The following CADPS2 variants were observed in gnomAD, a reference collection of about 807,000 sequenced individuals.
The protein encoded by CADPS2 is calcium-dependent secretion activator 2.
In CADPS2, 93 loss-of-function variants were observed where a neutral mutation model predicts 172.5. That is an observed-to-expected ratio of 0.54 (90% CI 0.46 to 0.64). The LOEUF is 0.64. Among genes scored for constraint, CADPS2 ranks in the 30% least tolerant of loss-of-function variants. CADPS2 has a pLI of 0.00. For synonymous variants in CADPS2, 546 were observed against 555.2 expected, an observed-to-expected ratio of 0.98 and a Z score of 0.23; for missense variants, 1,420 against 1,565.9, an observed-to-expected ratio of 0.91 and a Z score of 1.57.
At chr7:122,549,443 T>C (rs575781038) in intron 8 of CADPS2, among the ~76,000 whole-genome samples, 4 of 152,144 alleles carry the variant, frequency 2.6e-5, no homozygotes, top group Admixed American at 6.5e-5. Flanking sequence ...ATTCGTGTGA[T>C]TGTATAATTA....
intron 7 of CADPS2, among the ~76,000 whole-genome samples, chr7:122,579,783 C>G (rs1407205385): frequency 6.6e-6 from 1 of 151,960 alleles, no homozygotes; most frequent in Non-Finnish European, 1.5e-5. Flanking sequence ...TACGTAAGCA[C>G]ATGACTGAAT....
chr7:122,538,686 G>C (rs899358825), intron 8 of CADPS2, among the ~76,000 whole-genome samples: 1 of 152,008 alleles, frequency 6.6e-6, no homozygotes, highest in Non-Finnish European at 1.5e-5. Context: ...AAAGTACACT[G>C]TAAGTAGGAA....
intron 20 of CADPS2, among the ~76,000 whole-genome samples, chr7:122,402,152 A>T (rs2151600684): frequency 6.6e-6 from 1 of 152,280 alleles, no homozygotes; most frequent in East Asian, 1.9e-4. Context: ...CTGAGACCAC[A>T]CATACCTTTA....
At chr7:122,695,041 G>A (rs925032618) in intron 2 of CADPS2, among the ~76,000 whole-genome samples, 1 of 152,174 alleles carries the variant, frequency 6.6e-6, no homozygotes, top group Non-Finnish European at 1.5e-5. Flanking sequence ...TCCTTTGAAA[G>A]GCTCACACTA....
At chr7:122,715,099 A>T (rs922820800) in intron 2 of CADPS2, among the ~76,000 whole-genome samples, 3 of 152,146 alleles carry the variant, frequency 2.0e-5, no homozygotes, top group Non-Finnish European at 4.4e-5. Context: ...AATTCCGTTT[A>T]TGGCAATTTG....
intron 12 of CADPS2, among the ~76,000 whole-genome samples, chr7:122,477,031 AG>A (rs1311099390): frequency 7.0e-4 from 69 of 98,654 alleles, no homozygotes; most frequent in African/African-American, 3.2e-3. Context: ...AGGAGAGGAG[AG>A]GAGAGGAGAG....
chr7:122,797,129 A>G (rs968545949), intron 1 of CADPS2, among the ~76,000 whole-genome samples: 5 of 152,242 alleles, frequency 3.3e-5, no homozygotes, highest in African/African-American at 1.2e-4. Flanking sequence ...ATCATTAGAG[A>G]CACGCAAATC....
chr7:122,499,623 C>G (rs900981771), intron 9 of CADPS2, among the ~76,000 whole-genome samples: 4 of 152,116 alleles, frequency 2.6e-5, no homozygotes, highest in Non-Finnish European at 5.9e-5. Context: ...GCAAGTCTAA[C>G]TTTTATATGT....
At chr7:122,529,097 C>T (rs2061532207) in intron 8 of CADPS2, among the ~76,000 whole-genome samples, 1 of 152,050 alleles carries the variant, frequency 6.6e-6, no homozygotes, top group African/African-American at 2.4e-5. Flanking sequence ...TTTTGTCCTA[C>T]AAGAATTACA....
chr7:122,459,147 T>C (rs2054150344), intron 14 of CADPS2, among the ~76,000 whole-genome samples: 1 of 151,926 alleles, frequency 6.6e-6, no homozygotes, highest in Non-Finnish European at 1.5e-5. Flanking sequence ...TTCTGATTCA[T>C]AATTTGATTG....
At chr7:122,383,384 A>G (rs2043247875) in intron 24 of CADPS2, among the ~76,000 whole-genome samples, 1 of 152,058 alleles carries the variant, frequency 6.6e-6, no homozygotes, top group Admixed American at 6.6e-5. Context: ...ATTGAGTACT[A>G]TGCTCAATAC....
At chr7:122,491,615 G>A (rs2058296948) in intron 9 of CADPS2, among the ~76,000 whole-genome samples, 195 bp from the exon 10 acceptor site, 1 of 151,980 alleles carries the variant, frequency 6.6e-6, no homozygotes. Flanking sequence ...CATTTGTTGG[G>A]TCTTCTATGC....
At chr7:122,640,081 C>T (rs998780766) in intron 3 of CADPS2, among the ~76,000 whole-genome samples, 1 of 152,140 alleles carries the variant, frequency 6.6e-6, no homozygotes, top group East Asian at 1.9e-4. Flanking sequence ...TGAGTAATGC[C>T]GTGTGATAAA....
At chr7:122,729,676 GTTT>G (rs56993717) in intron 2 of CADPS2, among the ~76,000 whole-genome samples, 13 of 94,208 alleles carry the variant, frequency 1.4e-4, no homozygotes, top group Admixed American at 2.3e-4. Context: ...ATTTTTAACG[GTTT>G]TTTTTTTTTT....
intron 1 of CADPS2, among the ~76,000 whole-genome samples, chr7:122,816,231 T>C (rs561298200): frequency 1.0e-3 from 141 of 137,140 alleles, no homozygotes; most frequent in Non-Finnish European, 1.7e-3. Flanking sequence ...CTACTCTCTA[T>C]CTCCACGAGA....
intron 1 of CADPS2, among the ~76,000 whole-genome samples, chr7:122,845,039 C>T (rs1440356476): frequency 2.6e-5 from 4 of 152,130 alleles, no homozygotes; most frequent in Non-Finnish European, 4.4e-5. Flanking sequence ...ATAAGGCTTC[C>T]TAGTCACTAT....
chr7:122,810,624 T>G lies in CADPS2; in HGVS notation c.340-73556A>C, dbSNP rs116653585. ...ATGTTTAAGAAAGCAATATAACCAT[T>G]TATTCGCAGGATTTTATCTATATTG... is the stretch of plus-strand genomic sequence containing the variant. On this transcript the variant is annotated intron_variant, in intron 1 of 29. Coordinates refer to ENST00000449022, the MANE Select transcript of CADPS2 (RefSeq NM_017954.11). Among the ~76,000 whole-genome samples the G allele has an allele frequency of 3.5e-3, 531 of 152,282 alleles. 5 individuals carry two copies. The highest frequency in any genetic ancestry group is 0.013 in the African/African-American group (522 of 41,554).
chr7:122,414,368 A>G (rs1395678976), intron 18 of CADPS2, among the ~76,000 whole-genome samples: 3 of 152,210 alleles, frequency 2.0e-5, no homozygotes, highest in Non-Finnish European at 4.4e-5. Context: ...GTTTGAGAAT[A>G]AAAGATATAC....
chr7:122,504,629 C>T (rs1372693723), intron 9 of CADPS2, among the ~76,000 whole-genome samples: 2 of 152,080 alleles, frequency 1.3e-5, no homozygotes, highest in Non-Finnish European at 2.9e-5. Context: ...TGCAGTGGTG[C>T]GATGATAGCT....
Sources: gnomAD v4.1 joint callset for allele counts (sites outside exome capture counted in the v4.1 genomes callset) on GRCh38, gnomAD v4.1.1 for gene constraint, MANE v1.5 for transcripts, NCBI Gene and HGNC (gene_info 2026-07-23, HGNC 2026-07-21) for gene names.